Variants in PTCHD4 observed in about 807,000 individuals in gnomAD.
PTCHD4 encodes patched domain-containing protein 4.
In PTCHD4, 33 loss-of-function variants were observed where a neutral mutation model predicts 58.1. The ratio of observed to expected loss-of-function variants is 0.57; its 90% CI spans 0.43 to 0.76. The LOEUF is 0.76. Among genes scored for constraint, PTCHD4 ranks in the 30% least tolerant of loss-of-function variants. PTCHD4 has a pLI of 0.00. For missense variants in PTCHD4, 1,058 were observed against 1,027.1 expected (o/e 1.03, Z -0.41); for synonymous variants, 478 against 409.6 (o/e 1.17, Z -2.02).
chr6:48,064,532 G>A (rs1303616124), intron 3 of PTCHD4, among the ~76,000 whole-genome samples: 3 of 151,962 alleles, frequency 2.0e-5, no homozygotes, highest in Non-Finnish European at 4.4e-5. Context: ...GTATACAATA[G>A]TATGATGTGT....
At chr6:48,044,768 A>T (rs2114158170) in intron 3 of PTCHD4, among the ~76,000 whole-genome samples, 1 of 151,962 alleles carries the variant, frequency 6.6e-6, no homozygotes, top group African/African-American at 2.4e-5. Flanking sequence ...AATGAATAAG[A>T]TAGGAATTTT....
At position 47,860,085 on chromosome 6, in the gene PTCHD4, T is replaced by G. The variant is rs1264796320; in HGVS notation, c.*18218A>C. The stretch of plus-strand genomic sequence containing the variant: ...TCTTCAAGGCCTATTTGAAGCTGCA[T>G]TTCCTTCTTGAAGTATTCCCCTTTA... On this transcript the variant is annotated 3_prime_UTR_variant, in exon 5 of 5. Transcript: ENST00000339488. 6.6e-6 allele frequency among the ~76,000 whole-genome samples: 1 copy of G among 152,072 alleles called. No individual in the cohort carries two copies. Among genetic ancestry groups the G allele is most frequent in the Non-Finnish European group, 1.5e-5 (1 of 67,980 alleles).
chr6:48,035,465 A>T (rs1279456496), intron 3 of PTCHD4, among the ~76,000 whole-genome samples: 3 of 152,130 alleles, frequency 2.0e-5, no homozygotes, highest in African/African-American at 4.8e-5. Context: ...TATATTAAAA[A>T]ATTATGAATC....
chr6:48,084,631 A>C (rs948085093), intron 1 of PTCHD4, among the ~76,000 whole-genome samples: 2 of 152,108 alleles, frequency 1.3e-5, no homozygotes, highest in African/African-American at 4.8e-5. Flanking sequence ...GCTTTTCTTA[A>C]TGTTCTTTAA....
rs1334807739 is a variant in PTCHD4, at chr6:48,068,187, C to G, written c.417+43G>C. ...CATTTCTTATCCTGATTTCTCAACA[C>G]ACACAGATGGGAAAAAGTATAATTA... On this transcript the variant is annotated intron_variant, in intron 3 of 4. Coordinates refer to ENST00000339488, the MANE Select transcript of PTCHD4 (RefSeq NM_001384253.1). The surrounding 1 kb of genome is among the most constrained non-coding windows in gnomAD (Gnocchi z 4.2). The G allele has an allele frequency of 3.3e-6, 5 of 1,508,742 alleles. No individual in the cohort carries two copies. The highest frequency in any genetic ancestry group is 4.4e-6 in the Non-Finnish European group (5 of 1,124,966). The allele number at this position is 1,508,742 out of a possible 1,614,324, so 93.5% of individuals were successfully genotyped here.
chr6:48,042,150 T>G (rs922674947), intron 3 of PTCHD4, among the ~76,000 whole-genome samples: 1 of 151,992 alleles, frequency 6.6e-6, no homozygotes, highest in Admixed American at 6.6e-5. Context: ...CTCTTCACAT[T>G]GATTAACTCC....
At chr6:48,009,642 G>C (rs1762598209) in intron 3 of PTCHD4, among the ~76,000 whole-genome samples, 1 of 151,854 alleles carries the variant, frequency 6.6e-6, no homozygotes. Context: ...CTATATTTTG[G>C]GAATATAATT....
chr6:47,918,275 T>G (rs1453347617), intron 4 of PTCHD4, among the ~76,000 whole-genome samples: 1 of 152,176 alleles, frequency 6.6e-6, no homozygotes, highest in Non-Finnish European at 1.5e-5. Flanking sequence ...GCTATTGGCA[T>G]AGTTAATGTA....
At chr6:48,058,207 T>A (rs1252563233) in intron 3 of PTCHD4, among the ~76,000 whole-genome samples, 1 of 152,204 alleles carries the variant, frequency 6.6e-6, no homozygotes, top group Non-Finnish European at 1.5e-5. Flanking sequence ...ACCCTTTAAG[T>A]GGAATCGGAA....
In PTCHD4 at chr6:47,875,364, G is replaced by GT. The variant is rs1463282794; in HGVS notation, c.*2938dup. Among the ~76,000 whole-genome samples, 3 of 151,936 alleles carry GT rather than the reference G, an allele frequency of 2.0e-5. No homozygotes were observed. Among genetic ancestry groups the GT allele is most frequent in the Non-Finnish European group, 2.9e-5 (2 of 67,854 alleles). ...AAGTCATGATCTCATATCTTAGGAT[G>GT]TATCTTAGTATTCAGGAAATGGAAT... On this transcript the variant is annotated 3_prime_UTR_variant, in exon 5 of 5. Coordinates refer to ENST00000339488, the MANE Select transcript of PTCHD4 (RefSeq NM_001384253.1).
chr6:48,110,151 T>G (rs552699373), intron 1 of PTCHD4, among the ~76,000 whole-genome samples: 3 of 152,318 alleles, frequency 2.0e-5, no homozygotes, highest in Admixed American at 2.0e-4. Context: ...AAGAGATATT[T>G]GTACTACCAC....
chr6:48,102,900 T>TG (rs977261677), intron 1 of PTCHD4, among the ~76,000 whole-genome samples: 4 of 152,118 alleles, frequency 2.6e-5, no homozygotes, highest in African/African-American at 4.8e-5. Context: ...GCAGTGAGGC[T>TG]GGGGGAGGGG....
chr6:47,901,602 G>T, intron 4 of PTCHD4: 1 of 1,057,674 alleles, frequency 9.5e-7, no homozygotes, highest in Non-Finnish European at 1.1e-6. Flanking sequence ...CCCATGAGAG[G>T]AGTCAGGTGG....
At chr6:47,897,183 ACTC>A (rs1764551913) in intron 4 of PTCHD4, among the ~76,000 whole-genome samples, 1 of 151,650 alleles carries the variant, frequency 6.6e-6, no homozygotes, top group African/African-American at 2.4e-5. Context: ...GAACATTTCT[ACTC>A]CTTCTTTTCA....
At chr6:48,085,451 T>C (rs1032628023) in intron 1 of PTCHD4, among the ~76,000 whole-genome samples, 5 of 152,114 alleles carry the variant, frequency 3.3e-5, no homozygotes, top group African/African-American at 1.2e-4. Context: ...ACTTCTCTAA[T>C]AAGGAACAAC....
chr6:48,082,918 AC>A (rs1283286287), intron 1 of PTCHD4, among the ~76,000 whole-genome samples: 1 of 151,916 alleles, frequency 6.6e-6, no homozygotes, highest in Non-Finnish European at 1.5e-5. Flanking sequence ...TCTTATTGGT[AC>A]ATGTTTGGCT....
intron 4 of PTCHD4, among the ~76,000 whole-genome samples, chr6:47,933,907 G>C (rs560449274): frequency 1.3e-5 from 2 of 151,900 alleles, no homozygotes; most frequent in Non-Finnish European, 2.9e-5. Context: ...CTTAATAAAG[G>C]TATCAAATTA....
chr6:47,899,477 A>T (rs1764630343), intron 4 of PTCHD4: 1 of 485,536 alleles, frequency 2.1e-6, no homozygotes. Context: ...AAGATTCTTG[A>T]GTTTGAATTC....
intron 4 of PTCHD4, among the ~76,000 whole-genome samples, chr6:47,941,053 C>T (rs1272016560): frequency 6.6e-6 from 1 of 152,178 alleles, no homozygotes; most frequent in Non-Finnish European, 1.5e-5. Context: ...CCTTCCTTAG[C>T]TTCCAGCATG....
Sources: gnomAD v4.1 joint callset for allele counts (sites outside exome capture counted in the v4.1 genomes callset) on GRCh38, gnomAD v4.1.1 for gene constraint, Gnocchi (gnomAD v3.1) non-coding constraint, MANE v1.5 for transcripts, NCBI Gene and HGNC (gene_info 2026-07-23, HGNC 2026-07-21) for gene names.